Variants in PARP2 observed in about 807,000 individuals in gnomAD.
PARP2 encodes the protein poly [ADP-ribose] polymerase 2.
A neutral mutation model predicts 77.8 loss-of-function variants in PARP2; 57 were observed. The ratio of observed to expected loss-of-function variants is 0.73; its 90% CI spans 0.59 to 0.91. The LOEUF is 0.91. PARP2 is among the 40% of genes least tolerant of loss of function. PARP2 has a pLI of 0.00. For synonymous variants in PARP2, 226 were observed against 242.6 expected (o/e 0.93, Z 0.64); for missense variants, 651 against 689.0 (o/e 0.94, Z 0.62).
intron 4 of PARP2, 38 bp from the exon 5 acceptor site, chr14:20,350,488 A>T (rs1173922204): frequency 1.7e-6 from 2 of 1,148,968 alleles, no homozygotes; most frequent in Non-Finnish European, 2.6e-6. Context: ...TCCATTTGCA[A>T]AACTCCTTTT....
At chr14:20,351,909 G>T (rs1269595517) in intron 6 of PARP2, among the ~76,000 whole-genome samples, 3 of 152,192 alleles carry the variant, frequency 2.0e-5, no homozygotes, top group South Asian at 2.1e-4. Context: ...AAAACTTTAT[G>T]ATATAGATGA....
rs1056588539 is a variant in PARP2 at position 20,357,371 on chromosome 14, A to G, written c.1429-25A>G. ...CATCTAATTCTTAGTAGGATATGGG[A>G]ATTCAAAGGTTTTTTGCTTTGCAGG... is the stretch of plus-strand genomic sequence containing the variant. On this transcript the variant is annotated intron_variant, in intron 14 of 15. Transcript: ENST00000429687. 5 of 1,580,802 alleles carry G rather than the reference A, an allele frequency of 3.2e-6. No individual in the cohort carries two copies. In the African/African-American group the frequency reaches 4.1e-5, roughly 13 times the overall value.
chr14:20,343,676 G>A lies in PARP2; in HGVS notation c.35G>A (p.Gly12Asp). The A allele has an allele frequency of 6.2e-7, 1 of 1,609,800 alleles. No individual in the cohort carries two copies. The highest frequency in any genetic ancestry group is 8.5e-7 in the Non-Finnish European group (1 of 1,178,742). Reference protein sequence around the residue: ...AARRRRSTGGGRARALNESKR... With the variant: ...AARRRRSTGGDRARALNESKR... ...CGGCGGCGACGGAGCACCGGCGGCGGCAGGGCGAGAGGTTCGGAGCTCAAT... is the reference window on the plus strand; with the variant it reads ...CGGCGGCGACGGAGCACCGGCGGCGACAGGGCGAGAGGTTCGGAGCTCAAT... Residue 12 changes from glycine (G) to aspartate (D), a missense_variant, in exon 1 of 16, where the codon GGC becomes GAC. Physicochemically the swap from Gly to Asp is moderately conservative, Grantham distance 94. Coordinates refer to ENST00000429687, the MANE Select transcript of PARP2 (RefSeq NM_001042618.2).
chr14:20,345,149 T>C, intron 2 of PARP2, 62 bp downstream of exon 2: 4 of 1,567,060 alleles, frequency 2.6e-6, no homozygotes, highest in Non-Finnish European at 3.5e-6. Flanking sequence ...CTGGGGATGA[T>C]ATCTTGTTAT....
intron 11 of PARP2, 137 bp downstream of exon 11, chr14:20,356,168 G>A: frequency 1.4e-6 from 2 of 1,411,666 alleles, no homozygotes; most frequent in Non-Finnish European, 9.7e-7. Context: ...ATTTGGGAAG[G>A]CCAAGCTTTT....
intron 8 of PARP2, 75 bp downstream of exon 8, chr14:20,354,322 A>G: frequency 8.2e-7 from 1 of 1,226,148 alleles, no homozygotes; most frequent in Non-Finnish European, 1.2e-6. Context: ...TATTATCATT[A>G]TGATTTAAAG....
At position 20,357,716 on chromosome 14, in the gene PARP2, T is replaced by C. The variant is rs3093940; in HGVS notation, c.1632T>C (p.Asn544=). 1.1e-3 allele frequency: 1,759 copies of C among 1,613,914 alleles called. 20 individuals carry two copies. The African/African-American group carries it at 0.021, about 20-fold the overall frequency. The change falls in exon 16 of 16, where the codon AAT becomes AAC. Residue 544 remains asparagine, a synonymous_variant. Transcript: ENST00000429687. ...CAGATGGTTATACCCTCAACTACAA[T>C]GAATATATTGTATATAACCCCAACC... ...LNPDGYTLNY[N]EYIVYNPNQV...
In PARP2 at chr14:20,354,156, G is replaced by A; in HGVS notation, c.672G>A (p.Arg224=). 1 of 1,612,364 alleles carries A rather than the reference G, an allele frequency of 6.2e-7. No homozygotes were observed. Among genetic ancestry groups the A allele is most frequent in the Non-Finnish European group, 8.5e-7 (1 of 1,178,456 alleles). ...PLKPESQLDL[R]VQELIKLICN... ...AGCCAGAGTCACAGCTAGATCTTCG[G>A]GTACAGGAGTTAATAAAGTTGATCT... The change falls in exon 8 of 16, where the codon CGG becomes CGA. Residue 224 remains arginine, a synonymous_variant. Coordinates refer to ENST00000429687, the MANE Select transcript of PARP2 (RefSeq NM_001042618.2).
intron 11 of PARP2, 46 bp from the exon 12 acceptor site, chr14:20,356,261 G>T: frequency 6.2e-7 from 1 of 1,605,508 alleles, no homozygotes; most frequent in Non-Finnish European, 8.5e-7. Flanking sequence ...GTTCAGCTCA[G>T]TCTCTTGTAG....
At chr14:20,355,459 G>A (rs1884111328) in intron 9 of PARP2, 3 of 232,294 alleles carry the variant, frequency 1.3e-5, no homozygotes, top group Admixed American at 5.1e-5. Flanking sequence ...GTATCCAACT[G>A]TTCCCTGTTG....
In PARP2 at chr14:20,357,698, T is replaced by C. The variant is rs756702081; in HGVS notation, c.1614T>C (p.Gly538=). Residue 538 remains glycine (G), a synonymous_variant, in exon 16 of 16, where the codon GGT becomes GGC. Coordinates refer to ENST00000429687, the MANE Select transcript of PARP2 (RefSeq NM_001042618.2). ...ACACAGGAATTCTGAATCCAGATGG[T>C]TATACCCTCAACTACAATGAATATA... ...ASDTGILNPD[G]YTLNYNEYIV... is the part of the protein sequence containing the mutation. The C allele has an allele frequency of 2.5e-6, 4 of 1,613,908 alleles. No individual in the cohort carries two copies. The highest frequency in any genetic ancestry group is 2.2e-5 in the South Asian group (2 of 91,070).
intron 2 of PARP2, 123 bp from the exon 3 acceptor site, chr14:20,345,271 G>T (rs1328515548): frequency 1.8e-5 from 19 of 1,048,332 alleles, no homozygotes; most frequent in Non-Finnish European, 2.6e-5. Flanking sequence ...ATTTGAGATG[G>T]ATTGGGGTCT....
intron 4 of PARP2, among the ~76,000 whole-genome samples, chr14:20,347,389 TATATATA>T (rs1566418425): frequency 2.3e-4 from 5 of 21,362 alleles, no homozygotes; most frequent in African/African-American, 5.8e-4. Context: ...TATATATATA[TATATATA>T]TATTTTTTTT....
intron 4 of PARP2, among the ~76,000 whole-genome samples, chr14:20,350,117 G>A (rs1883903981): frequency 6.6e-6 from 1 of 152,178 alleles, no homozygotes; most frequent in Non-Finnish European, 1.5e-5. Context: ...TTTAACAGTT[G>A]AGCATAACAG....
chr14:20,355,386 G>T, intron 9 of PARP2: 2 of 184,938 alleles, frequency 1.1e-5, no homozygotes, highest in Non-Finnish European at 2.2e-5. Context: ...GCTTTATAGA[G>T]CCCCGTGACC....
At chr14:20,346,130 G>T (rs772007336) in intron 3 of PARP2, among the ~76,000 whole-genome samples, 2 of 151,934 alleles carry the variant, frequency 1.3e-5, no homozygotes, top group Non-Finnish European at 2.9e-5. Context: ...TATCACATGC[G>T]TACCTTTTGT....
intron 13 of PARP2, 54 bp from the exon 14 acceptor site, chr14:20,356,995 TTC>T (rs1884179121): frequency 9.2e-7 from 1 of 1,091,386 alleles, no homozygotes; most frequent in Non-Finnish European, 1.4e-6. Flanking sequence ...GGTATGCACC[TTC>T]TCTCTAACAC....
chr14:20,350,491 C>A, intron 4 of PARP2, 35 bp from the exon 5 acceptor site: 1 of 1,166,860 alleles, frequency 8.6e-7, no homozygotes, highest in Non-Finnish European at 1.3e-6. Context: ...ATTTGCAAAA[C>A]TCCTTTTTTT....
chr14:20,349,359 A>G (rs1883879221), intron 4 of PARP2, among the ~76,000 whole-genome samples: 1 of 151,866 alleles, frequency 6.6e-6, no homozygotes, highest in Non-Finnish European at 1.5e-5. Context: ...CATTTACAAA[A>G]AAATTTTTTA....
Sources: allele counts gnomAD v4.1 joint callset (sites outside exome capture counted in the v4.1 genomes callset), GRCh38; gene constraint gnomAD v4.1.1; transcripts MANE v1.5; gene names NCBI Gene and HGNC (gene_info 2026-07-23, HGNC 2026-07-21).